CDH26: variants seen among roughly 807,000 people sequenced by gnomAD.
The protein encoded by CDH26 is cadherin-like protein 26.
In CDH26, 83 loss-of-function variants were observed where a neutral mutation model predicts 90.3. That is an observed-to-expected ratio of 0.92 (90% CI 0.77 to 1.10). The LOEUF (loss-of-function observed/expected upper bound fraction) is 1.10, where lower values mean the gene tolerates loss of function less well. Ranked by LOEUF, CDH26 falls within the 50% of genes least tolerant of loss-of-function variation. The pLI, the probability that CDH26 is intolerant of heterozygous loss-of-function variation, is 0.00. For synonymous variants in CDH26, 397 were observed against 396.3 expected (o/e 1.00, Z -0.02); for missense variants, 1,013 against 1,037.6 (o/e 0.98, Z 0.33).
chr20:59,993,979 T>C (rs2061559790), intron 10 of CDH26, among the ~76,000 whole-genome samples: 1 of 152,090 alleles, frequency 6.6e-6, no homozygotes, highest in African/African-American at 2.4e-5. Context: ...GCACCATTGA[T>C]TGACCTTTTG....
chr20:59,981,709 T>A (rs2061396975), intron 4 of CDH26, among the ~76,000 whole-genome samples: 1 of 152,146 alleles, frequency 6.6e-6, no homozygotes, highest in South Asian at 2.1e-4. Context: ...ATGAGAGATA[T>A]TGTTCTGTAG....
At chr20:59,987,793 C>G (rs2061478118) in intron 8 of CDH26, among the ~76,000 whole-genome samples, 155 bp downstream of exon 8, 1 of 152,168 alleles carries the variant, frequency 6.6e-6, no homozygotes, top group African/African-American at 2.4e-5. Flanking sequence ...AAGGCAGGGT[C>G]TCAGTGCCAC....
rs1201535564 is a variant in CDH26, at chr20:60,012,518, T to A, written c.2296-9T>A. ...GCATTTACCTTCTCTTTCCCCCACT[T>A]TTCCCCAGAAACTCCATGTTGCCAA... On this transcript the variant is annotated splice_polypyrimidine_tract_variant and intron_variant, in intron 17 of 17. Coordinates refer to ENST00000348616, the MANE Select transcript of CDH26 (RefSeq NM_177980.4). 6.2e-7 allele frequency: 1 copy of A among 1,609,524 alleles called. No individual in the cohort carries two copies. Among genetic ancestry groups the A allele is most frequent in the African/African-American group, 1.3e-5 (1 of 74,724 alleles).
At chr20:60,024,829 A>T (rs2061983494) in intron 7 of CDH26, among the ~76,000 whole-genome samples, 1 of 152,206 alleles carries the variant, frequency 6.6e-6, no homozygotes, top group Non-Finnish European at 1.5e-5. Flanking sequence ...CCAAATGTAC[A>T]ATGCATTTCT....
chr20:59,976,345 T>C (rs2061328300), intron 4 of CDH26, among the ~76,000 whole-genome samples: 1 of 152,236 alleles, frequency 6.6e-6, no homozygotes. Flanking sequence ...TTCTCCATTG[T>C]AACCCGAATC....
intron 1 of CDH26, among the ~76,000 whole-genome samples, chr20:59,960,102 G>A (rs2061048510): frequency 6.6e-6 from 1 of 152,294 alleles, no homozygotes; most frequent in South Asian, 2.1e-4. Context: ...ACCTAGGCCA[G>A]CTTAACTTTG....
intron 1 of CDH26, among the ~76,000 whole-genome samples, chr20:59,963,807 C>T (rs8115115): frequency 0.038 from 5,838 of 151,856 alleles, 344 homozygotes; most frequent in African/African-American, 0.12. Flanking sequence ...TTTCTAGGGT[C>T]CAAATTCTCC....
intron 1 of CDH26, among the ~76,000 whole-genome samples, chr20:59,961,241 C>T (rs542656779): frequency 2.6e-5 from 4 of 152,110 alleles, no homozygotes; most frequent in Non-Finnish European, 5.9e-5. Flanking sequence ...ATTCTCTTCC[C>T]TCTGGCGTAT....
chr20:60,033,676 A>C, exon 9 of CDH26: 3 of 1,303,908 alleles, frequency 2.3e-6, no homozygotes, highest in Non-Finnish European at 3.0e-6. Context: ...TCTCAGGCTG[A>C]GCAGAGAGTA....
chr20:60,020,652 A>G (rs1469528963), intron 7 of CDH26, among the ~76,000 whole-genome samples: 2 of 151,940 alleles, frequency 1.3e-5, no homozygotes, highest in African/African-American at 2.4e-5. Flanking sequence ...AGCATAACAC[A>G]CTCCAGAGTG....
intron 1 of CDH26, among the ~76,000 whole-genome samples, chr20:59,961,952 G>T (rs556361338): frequency 5.9e-5 from 9 of 152,156 alleles, no homozygotes; most frequent in Non-Finnish European, 1.2e-4. Context: ...TGGTGGTGGC[G>T]TTGTTACCAA....
At chr20:59,987,716 C>G (rs2061477280) in intron 8 of CDH26, 78 bp downstream of exon 8, 2 of 1,327,402 alleles carry the variant, frequency 1.5e-6, no homozygotes, top group African/African-American at 1.5e-5. Flanking sequence ...TCACAATGAA[C>G]CAGGGAGCTA....
chr20:60,019,756 T>C lies in CDH26; in HGVS notation c.948-11475T>C, dbSNP rs188829344. Among the ~76,000 whole-genome samples the C allele has an allele frequency of 7.9e-5, 12 of 152,348 alleles. 1 individual carries two copies. In the East Asian group the frequency reaches 2.1e-3, roughly 27 times the overall value. ...TTATTATGTTCCTTTGGAGGTGTCATGTTTCCTTGCCTGTTTTGTGTTTAA... is the reference window on the plus strand; with the variant it reads ...TTATTATGTTCCTTTGGAGGTGTCACGTTTCCTTGCCTGTTTTGTGTTTAA... On this transcript the variant is annotated intron_variant, in intron 7 of 8. Transcript: ENST00000370991.
In CDH26 at chr20:59,983,006, T is replaced by C. The variant is rs370717817; in HGVS notation, c.477T>C (p.Asn159=). 2 of 1,614,184 alleles carry C rather than the reference T, an allele frequency of 1.2e-6. No individual in the cohort carries two copies. Among genetic ancestry groups the C allele is most frequent in the Non-Finnish European group, 1.7e-6 (2 of 1,180,032 alleles). The change falls in exon 5 of 18, where the codon AAT becomes AAC. Residue 159 remains asparagine (N), a synonymous_variant. Coordinates refer to ENST00000348616, the MANE Select transcript of CDH26 (RefSeq NM_177980.4). ...TCAACATTAGGATCAGTGATGTGAA[T>C]GATCATGCACCCCAGTTTCCAGAGA... is the stretch of plus-strand genomic sequence containing the variant. The part of the protein sequence containing the change: ...LIFNIRISDV[N]DHAPQFPEKE...
chr20:60,023,550 G>A (rs2146032147), intron 7 of CDH26, among the ~76,000 whole-genome samples: 1 of 151,780 alleles, frequency 6.6e-6, no homozygotes, highest in Non-Finnish European at 1.5e-5. Flanking sequence ...GAAATGGCAG[G>A]AGAAATTTAT....
downstream of CDH26, chr20:60,014,600 G>C (rs1310817764): frequency 1.3e-5 from 2 of 152,072 alleles, no homozygotes; most frequent in Non-Finnish European, 2.9e-5. Flanking sequence ...ATGTCCTCCA[G>C]CTTCATCCAT....
At chr20:60,018,702 C>CTTTTTTTTTTTTTTTTTTTTT (rs55994712), downstream of CDH26, among the ~76,000 whole-genome samples, 102 of 17,814 alleles carry the variant, frequency 5.7e-3, 11 homozygotes, top group Non-Finnish European at 7.6e-3. Flanking sequence ...CTCTTACTGC[C>CTTTTTTTTTTTTTTTTTTTTT]TTTTTTTTTT....
At position 59,992,445 on chromosome 20, in the gene CDH26, G is replaced by A. The variant is rs761953925; in HGVS notation, c.1351G>A (p.Val451Met). ...VDKNSGVVIT[V>M]EPIDRESPHV... ...CAAAAACTCCGGAGTGGTCATCACCGTGGAGCCAATTGACCGAGAATCCCC... is the reference window on the plus strand; with the variant it reads ...CAAAAACTCCGGAGTGGTCATCACCATGGAGCCAATTGACCGAGAATCCCC... The change falls in exon 10 of 18, where the codon GTG (valine) becomes ATG (methionine). Residue 451 changes from valine (V) to methionine (M), a missense_variant. Physicochemically the swap from Val to Met is conservative, Grantham distance 21. Transcript: ENST00000348616. The surrounding 1 kb of genome is among the most constrained non-coding windows in gnomAD (Gnocchi z 5.0). 55 of 1,613,892 alleles carry A rather than the reference G, an allele frequency of 3.4e-5. No individual in the cohort carries two copies. The highest frequency in any genetic ancestry group is 2.3e-4 in the Admixed American group (14 of 60,004).
At chr20:60,009,844 G>T (rs111969867) in intron 17 of CDH26, among the ~76,000 whole-genome samples, 1 of 152,096 alleles carries the variant, frequency 6.6e-6, no homozygotes, top group South Asian at 2.1e-4. Flanking sequence ...CAGGTCTGTC[G>T]CTAATTATCT....
Sources: allele counts gnomAD v4.1 joint callset (sites outside exome capture counted in the v4.1 genomes callset), GRCh38; gene constraint gnomAD v4.1.1; non-coding constraint Gnocchi (gnomAD v3.1); transcripts MANE v1.5; gene names NCBI Gene and HGNC (gene_info 2026-07-23, HGNC 2026-07-21).